Variants in SLIT3 observed in about 807,000 individuals in gnomAD.
SLIT3 encodes slit guidance ligand 3, also known as slit homolog 3 protein.
In SLIT3, 68 loss-of-function variants were observed where a neutral mutation model predicts 184.0. That is an observed-to-expected ratio of 0.37 (90% confidence interval 0.30 to 0.45). The LOEUF (loss-of-function observed/expected upper bound fraction) is 0.45, where lower values mean the gene tolerates loss of function less well. Among genes scored for constraint, SLIT3 ranks in the 20% least tolerant of loss-of-function variants. The probability of loss-of-function intolerance (pLI) is 1.00; values close to 1 mark genes in which losing one functional copy is unlikely to be tolerated. For synonymous variants in SLIT3, 831 were observed against 828.6 expected (o/e 1.00, Z -0.05); for missense variants, 1,707 against 2,026.0 (o/e 0.84, Z 3.02).
intron 3 of SLIT3, among the ~76,000 whole-genome samples, chr5:169,196,516 G>A (rs1331607037): frequency 4.6e-5 from 7 of 152,118 alleles, no homozygotes; most frequent in Non-Finnish European, 1.0e-4. Context: ...CATGTCAAAC[G>A]CCATGCCACG....
intron 12 of SLIT3, among the ~76,000 whole-genome samples, chr5:168,782,984 C>T (rs377412910): frequency 1.3e-5 from 2 of 152,116 alleles, no homozygotes; most frequent in African/African-American, 2.4e-5. Context: ...GAAACCATTA[C>T]GATGTTTAGT....
At chr5:168,722,894 C>A (rs1762988391) in intron 22 of SLIT3, 39 bp downstream of exon 22, 1 of 1,499,176 alleles carries the variant, frequency 6.7e-7, no homozygotes, top group Non-Finnish European at 9.3e-7. Context: ...TACTGCTAGG[C>A]CCAAGGGCAT....
At chr5:168,735,444 G>A (rs1763402958) in intron 20 of SLIT3, among the ~76,000 whole-genome samples, 1 of 152,086 alleles carries the variant, frequency 6.6e-6, no homozygotes, top group African/African-American at 2.4e-5. Flanking sequence ...TCACATCCTG[G>A]CTCTACTATC....
chr5:169,263,655 C>T (rs377680713), intron 1 of SLIT3: 8 of 508,102 alleles, frequency 1.6e-5, no homozygotes, highest in South Asian at 2.9e-5. Flanking sequence ...TTTCTCTGGG[C>T]GTATCTGTGT....
rs1337586706 is a variant in SLIT3, at chr5:169,300,974, C to T, written c.-265G>A. 5.6e-6 allele frequency: 1 copy of T among 178,790 alleles called. No homozygotes were observed. The highest frequency in any genetic ancestry group is 1.2e-5 in the Non-Finnish European group (1 of 86,422). 11.1% of individuals were successfully genotyped at this position (178,790 alleles called of 1,614,324 possible). A position where few individuals can be genotyped will look rare whatever the true frequency, so the allele number is the denominator to read the frequency against. ...TGGGAGTGCCCAGGTGCGGAGCGCC[C>T]CCTGGCCCCGCTGGCCCGCGGGCCG... On this transcript the variant is annotated 5_prime_UTR_variant, in exon 1 of 36. Coordinates refer to ENST00000519560, the MANE Select transcript of SLIT3 (RefSeq NM_003062.4). The surrounding 1 kb of genome is among the most constrained non-coding windows in gnomAD (Gnocchi z 4.1).
intron 26 of SLIT3, 64 bp from the exon 27 acceptor site, chr5:168,700,743 G>T: frequency 8.6e-7 from 1 of 1,168,930 alleles, no homozygotes; most frequent in Non-Finnish European, 1.3e-6. Context: ...ATGGCCCAGG[G>T]GACTCCAGGG....
chr5:169,197,529 G>A (rs943170526), intron 3 of SLIT3, among the ~76,000 whole-genome samples: 2 of 152,174 alleles, frequency 1.3e-5, no homozygotes, highest in South Asian at 2.1e-4. Context: ...AGTGCCGGGT[G>A]CAGACAGTGG....
chr5:168,783,071 AG>A (rs1407552162), intron 12 of SLIT3, among the ~76,000 whole-genome samples: 14 of 152,274 alleles, frequency 9.2e-5, no homozygotes, highest in African/African-American at 3.1e-4. Flanking sequence ...GAGTGACAGA[AG>A]GATTTGTGAG....
chr5:168,696,475 G>T (rs775448802), intron 27 of SLIT3, 44 bp from the exon 28 acceptor site: 3 of 1,610,830 alleles, frequency 1.9e-6, no homozygotes, highest in Non-Finnish European at 1.7e-6. Context: ...CAGGGGTCAG[G>T]GAGAGAGGTG....
chr5:168,752,899 G>A, intron 18 of SLIT3, 56 bp downstream of exon 18: 1 of 1,546,540 alleles, frequency 6.5e-7, no homozygotes, highest in Non-Finnish European at 8.9e-7. Flanking sequence ...TGGGAGGAGA[G>A]AGCGCTGCAG....
chr5:168,907,935 AT>A (rs200815955), intron 4 of SLIT3, among the ~76,000 whole-genome samples: 1 of 82,912 alleles, frequency 1.2e-5, no homozygotes, highest in Non-Finnish European at 2.7e-5. Context: ...TTATATATAT[AT>A]TATACGTGTA....
At chr5:169,261,701 G>A (rs1409113945) in intron 1 of SLIT3, among the ~76,000 whole-genome samples, 1 of 152,206 alleles carries the variant, frequency 6.6e-6, no homozygotes, top group East Asian at 1.9e-4. Flanking sequence ...TTTGCTGAAT[G>A]CCGCAGACAG....
At chr5:168,868,608 C>A (rs1438384305) in intron 5 of SLIT3, among the ~76,000 whole-genome samples, 1 of 151,760 alleles carries the variant, frequency 6.6e-6, no homozygotes, top group African/African-American at 2.4e-5. Flanking sequence ...ATTAGCTGGC[C>A]GTGGTGGCGG....
At chr5:169,153,253 G>A (rs574169552) in intron 4 of SLIT3, among the ~76,000 whole-genome samples, 152 of 74,066 alleles carry the variant, frequency 2.1e-3, no homozygotes, top group Non-Finnish European at 3.7e-3. Flanking sequence ...ACCCCCACCC[G>A]CTACTTTGAC....
chr5:168,697,248 G>A (rs1762089821), intron 27 of SLIT3, among the ~76,000 whole-genome samples: 1 of 152,182 alleles, frequency 6.6e-6, no homozygotes, highest in Non-Finnish European at 1.5e-5. Flanking sequence ...AGGCCTTCGG[G>A]TCAACTTGGC....
At chr5:168,807,854 C>T (rs1005004524) in intron 8 of SLIT3, among the ~76,000 whole-genome samples, 4 of 152,120 alleles carry the variant, frequency 2.6e-5, no homozygotes, top group African/African-American at 4.8e-5. Flanking sequence ...CCTGGTGTCC[C>T]GTTTGGACGC....
intron 4 of SLIT3, among the ~76,000 whole-genome samples, chr5:168,974,551 G>T (rs1021459805): frequency 6.6e-6 from 1 of 152,134 alleles, no homozygotes; most frequent in Non-Finnish European, 1.5e-5. Flanking sequence ...TAGATCCAAA[G>T]GCCTGCATTT....
At chr5:169,173,186 G>T (rs137933551) in intron 4 of SLIT3, among the ~76,000 whole-genome samples, 1 of 152,120 alleles carries the variant, frequency 6.6e-6, no homozygotes, top group East Asian at 1.9e-4. Context: ...GCTTGAACCC[G>T]GGAGGCGAGG....
At position 169,258,728 on chromosome 5, in the gene SLIT3, T is replaced by C. The variant is rs10074989; in HGVS notation, c.198-7269A>G. ...AACACTGGAAAAAATGAAACAAAAA[T>C]GACATTTTCTAGGTCAGGCCACTGG... On this transcript the variant is annotated intron_variant, in intron 1 of 35. Coordinates refer to ENST00000519560, the MANE Select transcript of SLIT3 (RefSeq NM_003062.4). Among the ~76,000 whole-genome samples the C allele has an allele frequency of 4.1e-3, 621 of 152,288 alleles. 3 individuals are homozygous for C. The highest frequency in any genetic ancestry group is 0.013 in the African/African-American group (546 of 41,548).
Sources: gnomAD v4.1 joint callset for allele counts (sites outside exome capture counted in the v4.1 genomes callset) on GRCh38, gnomAD v4.1.1 for gene constraint, Gnocchi (gnomAD v3.1) non-coding constraint, MANE v1.5 for transcripts, NCBI Gene and HGNC (gene_info 2026-07-23, HGNC 2026-07-21) for gene names.